The following RBPJ variants were observed in gnomAD, a reference collection of about 807,000 sequenced individuals.
The protein encoded by RBPJ is recombination signal binding protein for immunoglobulin kappa J region.
Under a neutral mutation model 67.8 loss-of-function variants are expected in RBPJ, and 9 were observed. The ratio of observed to expected loss-of-function variants is 0.13; its 90% CI spans 0.08 to 0.23. RBPJ has a LOEUF of 0.23. RBPJ is among the 10% of genes least tolerant of loss of function. The pLI, the probability that RBPJ is intolerant of heterozygous loss-of-function variation, is 1.00. For missense variants in RBPJ, 305 were observed against 595.6 expected (o/e 0.51, Z 5.08); for synonymous variants, 198 against 203.3 (o/e 0.97, Z 0.22).
Position 26,346,455 on chromosome 4 carries a change from C to G in RBPJ, c.20+25407C>G, listed in dbSNP as rs573209229. Among the ~76,000 whole-genome samples, 7 of 152,290 alleles carry G rather than the reference C, an allele frequency of 4.6e-5. No individual in the cohort carries two copies. In the South Asian group the frequency reaches 1.4e-3, roughly 32 times the overall value. On this transcript the variant is annotated intron_variant, in intron 1 of 10. Transcript: ENST00000355476. ...CCCTTGGCAGGTGCCATCTTATCTA[C>G]TCCTTACTGTACACATGGCTGACAA... is the stretch of plus-strand genomic sequence containing the variant.
At chr4:26,171,869 G>A (rs1015755015) in intron 1 of RBPJ, among the ~76,000 whole-genome samples, 7 of 152,202 alleles carry the variant, frequency 4.6e-5, no homozygotes, top group African/African-American at 1.4e-4. Flanking sequence ...CCTGCCACCT[G>A]CCCCTGTCAT....
chr4:26,108,045 G>C, the RBPJ span, among the ~76,000 whole-genome samples: 4 of 152,100 alleles, frequency 2.6e-5, no homozygotes, highest in Non-Finnish European at 2.9e-5. Context: ...ACATTTTTAT[G>C]TCTCTCCTCA....
intron 1 of RBPJ, among the ~76,000 whole-genome samples, chr4:26,212,658 T>C (rs187424954): frequency 1.3e-5 from 2 of 152,204 alleles, no homozygotes; most frequent in South Asian, 2.1e-4. Context: ...CCTTGTCTGA[T>C]TGTGGTCAGA....
At chr4:26,128,462 CCA>C in the RBPJ span, among the ~76,000 whole-genome samples, 3 of 152,134 alleles carry the variant, frequency 2.0e-5, no homozygotes, top group African/African-American at 7.2e-5. Context: ...AATTATATAG[CCA>C]TCACAAAAAC....
At chr4:26,260,638 G>A (rs1478278389) in intron 1 of RBPJ, among the ~76,000 whole-genome samples, 2 of 152,216 alleles carry the variant, frequency 1.3e-5, no homozygotes, top group African/African-American at 4.8e-5. Flanking sequence ...ACTTATAAGG[G>A]AATGGAAATA....
At chr4:26,374,220 G>A (rs868397528) in intron 1 of RBPJ, among the ~76,000 whole-genome samples, 17 of 152,118 alleles carry the variant, frequency 1.1e-4, no homozygotes, top group African/African-American at 3.9e-4. Context: ...GACTACAGGC[G>A]TGAGCCACCA....
At chr4:26,125,269 G>A in the RBPJ span, among the ~76,000 whole-genome samples, 1 of 152,186 alleles carries the variant, frequency 6.6e-6, no homozygotes, top group Non-Finnish European at 1.5e-5. Flanking sequence ...CCCTCATGGG[G>A]CACCCTGTGA....
chr4:26,199,351 C>T (rs1328966706), intron 1 of RBPJ, among the ~76,000 whole-genome samples: 3 of 152,088 alleles, frequency 2.0e-5, no homozygotes, highest in African/African-American at 7.2e-5. Flanking sequence ...GGCTGAGGCA[C>T]TTGAACCCGG....
At chr4:26,332,036 ATT>A (rs1247494594) in intron 1 of RBPJ, among the ~76,000 whole-genome samples, 14 of 152,320 alleles carry the variant, frequency 9.2e-5, no homozygotes, top group Admixed American at 2.6e-4. Context: ...TATGGGATTC[ATT>A]AAGTCTGTTG....
At chr4:26,300,568 C>A (rs953324) in intron 1 of RBPJ, among the ~76,000 whole-genome samples, 2 of 152,198 alleles carry the variant, frequency 1.3e-5, no homozygotes, top group Non-Finnish European at 2.9e-5. Context: ...CAGAGGGCGG[C>A]TGACCTGAAT....
intron 1 of RBPJ, among the ~76,000 whole-genome samples, chr4:26,297,522 G>T (rs1275011029): frequency 2.0e-5 from 3 of 152,056 alleles, no homozygotes; most frequent in South Asian, 2.1e-4. Context: ...GTGTTTCTGT[G>T]TTCATTACCT....
the RBPJ span, among the ~76,000 whole-genome samples, chr4:26,143,088 C>T: frequency 6.6e-6 from 1 of 152,296 alleles, no homozygotes; most frequent in African/African-American, 2.4e-5. Context: ...TAATGACTAC[C>T]TCAAACCTTA....
intron 1 of RBPJ, among the ~76,000 whole-genome samples, chr4:26,285,890 G>A (rs1422555684): frequency 6.6e-6 from 1 of 152,148 alleles, no homozygotes; most frequent in Non-Finnish European, 1.5e-5. Flanking sequence ...CACTGAGAGA[G>A]TATTCAAAAT....
chr4:26,201,322 TA>T (rs1343234982), intron 1 of RBPJ, among the ~76,000 whole-genome samples: 2 of 152,204 alleles, frequency 1.3e-5, no homozygotes, highest in African/African-American at 4.8e-5. Context: ...GTGTAACTTT[TA>T]CTTAACTGGG....
chr4:26,277,121 A>G (rs966107668), intron 1 of RBPJ, among the ~76,000 whole-genome samples: 48 of 151,838 alleles, frequency 3.2e-4, no homozygotes, highest in African/African-American at 1.0e-3. Context: ...TTCTAAAAAA[A>G]AAAAAAAAAA....
At chr4:26,214,685 AGAGGGAGGAAGGATGGAAGGAAGGAAG>A (rs1312360032) in intron 1 of RBPJ, among the ~76,000 whole-genome samples, 9 of 111,422 alleles carry the variant, frequency 8.1e-5, no homozygotes, top group African/African-American at 3.9e-4. Flanking sequence ...GAGGGAGGAG[AGAGGGAGGAAGGATGGAAGGAAGGAAG>A]GAGAGAGAGA....
At position 26,420,744 on chromosome 4, in the gene RBPJ, T is replaced by C. The variant is rs189598286; in HGVS notation, c.496+19T>C. 238 of 1,565,110 alleles carry C rather than the reference T, an allele frequency of 1.5e-4. 1 individual carries two copies. In the East Asian group the frequency reaches 5.2e-3, roughly 34 times the overall value. On this transcript the variant is annotated intron_variant, in intron 5 of 10. Coordinates refer to ENST00000355476, the MANE Select transcript of RBPJ (RefSeq NM_015874.6). ...GCTGACTGTATGTATGCTTTTCTTA[T>C]TTATCCCCAACTGCCACCATGAATT...
intron 8 of RBPJ, among the ~76,000 whole-genome samples, chr4:26,429,086 G>C (rs1735959237): frequency 6.6e-6 from 1 of 152,166 alleles, no homozygotes; most frequent in Non-Finnish European, 1.5e-5. Context: ...AGAGAAAACA[G>C]TTAACATCTA....
At chr4:26,193,267 A>G (rs1717633502) in intron 1 of RBPJ, among the ~76,000 whole-genome samples, 1 of 152,228 alleles carries the variant, frequency 6.6e-6, no homozygotes, top group African/African-American at 2.4e-5. Flanking sequence ...TGGAGGGATG[A>G]ATATTCACAA....
Sources: allele counts gnomAD v4.1 joint callset (sites outside exome capture counted in the v4.1 genomes callset), GRCh38; gene constraint gnomAD v4.1.1; transcripts MANE v1.5; gene names NCBI Gene and HGNC (gene_info 2026-07-23, HGNC 2026-07-21).